GVQW3: variants seen among roughly 807,000 people sequenced by gnomAD.
GVQW3 encodes the protein GVQW motif containing 3.
Under a neutral mutation model 12.5 loss-of-function variants are expected in GVQW3, and 7 were observed. That is an observed-to-expected ratio of 0.56 (90% CI 0.32 to 1.05). GVQW3 has a LOEUF of 1.05. GVQW3 is among the 50% of genes least tolerant of loss of function. The pLI is 0.04. For synonymous variants in GVQW3, 71 were observed against 67.2 expected (o/e 1.06, Z -0.28); for missense variants, 188 against 190.8 (o/e 0.99, Z 0.09).
At chr11:76,383,780 A>ACC (rs1946803826) in intron 1 of GVQW3, 116 of 107,834 alleles carry the variant, frequency 1.1e-3, no homozygotes, top group South Asian at 1.2e-3. Context: ...TCTGTCCCAA[A>ACC]AAAAAAAAAA....
chr11:76,395,438 T>C (rs1270166897), intron 1 of GVQW3, among the ~76,000 whole-genome samples: 3 of 152,230 alleles, frequency 2.0e-5, no homozygotes, highest in South Asian at 2.1e-4. Context: ...TTGTTCCAGC[T>C]TTGGCCATTG....
chr11:76,408,974 TC>T (rs1258474128), downstream of GVQW3, among the ~76,000 whole-genome samples: 1 of 152,196 alleles, frequency 6.6e-6, no homozygotes, highest in Non-Finnish European at 1.5e-5. Context: ...ACATTGTCAT[TC>T]TTCCCGGGTG....
intron 1 of GVQW3, among the ~76,000 whole-genome samples, chr11:76,387,922 C>A (rs747690974): frequency 7.9e-5 from 12 of 151,830 alleles, no homozygotes; most frequent in Admixed American, 6.5e-4. Flanking sequence ...GACCCTGTCT[C>A]AAACAAAAAA....
At chr11:76,397,863 A>C (rs188242207) in intron 1 of GVQW3, among the ~76,000 whole-genome samples, 1 of 152,180 alleles carries the variant, frequency 6.6e-6, no homozygotes, top group African/African-American at 2.4e-5. Context: ...GGCCGGTTGC[A>C]GTGGCTTATG....
In GVQW3 at chr11:76,407,841, G is replaced by T. The variant is rs1249224436; in HGVS notation, c.*4083G>T. 6.6e-6 allele frequency: 1 copy of T among 151,998 alleles called. No homozygotes were observed. The highest frequency in any genetic ancestry group is 1.5e-5 in the Non-Finnish European group (1 of 67,978). The allele number at this position is 151,998 out of a possible 1,614,324, so 9.4% of individuals were successfully genotyped here. A position where few individuals can be genotyped will look rare whatever the true frequency, so the allele number is the denominator to read the frequency against. On this transcript the variant is annotated 3_prime_UTR_variant, in exon 2 of 2. Transcript: ENST00000529331. Reference sequence around the variant, plus strand: ...AGCTATTTAAGATGATGTTTTTAAAGAACTGTCAATGATGTTTGAAGATGT... The same window carrying T: ...AGCTATTTAAGATGATGTTTTTAAATAACTGTCAATGATGTTTGAAGATGT...
rs1486614874 is a variant in GVQW3 at position 76,404,249 on chromosome 11, A to G, written c.*491A>G. 2.8e-6 allele frequency: 1 copy of G among 361,078 alleles called. No homozygotes were observed. The highest frequency in any genetic ancestry group is 2.1e-5 in the African/African-American group (1 of 47,946). The allele number at this position is 361,078 out of a possible 1,614,324, so 22.4% of individuals were successfully genotyped here. ...TGAGATAACTCACTACCTTTGGACCAGCCATCTCCATTTTATAAATAAGAA... is the reference window on the plus strand; with the variant it reads ...TGAGATAACTCACTACCTTTGGACCGGCCATCTCCATTTTATAAATAAGAA... On this transcript the variant is annotated 3_prime_UTR_variant, in exon 2 of 2. Transcript: ENST00000529331.
chr11:76,407,311 G>C lies in GVQW3; in HGVS notation c.*3553G>C, dbSNP rs1222344107. On this transcript the variant is annotated 3_prime_UTR_variant, in exon 2 of 2. Transcript: ENST00000529331. ...GAGTTTAAACCACACCGGTCACAGT[G>C]GTTCACGCCTGTAATCCCAATACTT... 3 of 152,076 alleles carry C rather than the reference G, an allele frequency of 2.0e-5. No individual in the cohort carries two copies. The highest frequency in any genetic ancestry group is 4.4e-5 in the Non-Finnish European group (3 of 68,006). 9.4% of individuals were successfully genotyped at this position (152,076 alleles called of 1,614,324 possible).
At chr11:76,409,047 C>T (rs192398354), downstream of GVQW3, among the ~76,000 whole-genome samples, 4 of 152,332 alleles carry the variant, frequency 2.6e-5, no homozygotes, top group East Asian at 7.7e-4. Context: ...ATGCTTCAGG[C>T]ATTTCCCATT....
rs191012577 is a variant in GVQW3 at position 76,407,110 on chromosome 11, G to A, written c.*3352G>A. The A allele has an allele frequency of 2.0e-4, 30 of 152,272 alleles. No homozygotes were observed. Among genetic ancestry groups the A allele is most frequent in the Admixed American group, 3.3e-4 (5 of 15,294 alleles). 9.4% of individuals were successfully genotyped at this position (152,272 alleles called of 1,614,324 possible). A position where few individuals can be genotyped will look rare whatever the true frequency, so the allele number is the denominator to read the frequency against. On this transcript the variant is annotated 3_prime_UTR_variant, in exon 2 of 2. Coordinates refer to ENST00000529331, the MANE Select transcript of GVQW3 (RefSeq NM_001347885.2). ...CTCTAAGTTTGGTTGTATAATTTCT[G>A]CTGTGTTTAAGAAAAATTACTTAAC...
Position 76,381,860 on chromosome 11 carries a change from G to A in GVQW3, c.32G>A (p.Ser11Asn), listed in dbSNP as rs2134527097. The A allele has an allele frequency of 6.5e-7, 1 of 1,535,870 alleles. No homozygotes were observed. The highest frequency in any genetic ancestry group is 2.0e-5 in the Admixed American group (1 of 50,836). The change falls in exon 1 of 2, where the codon AGT becomes AAT. Residue 11 changes from serine (S) to asparagine (N), a missense_variant. Coordinates refer to ENST00000529331, the MANE Select transcript of GVQW3 (RefSeq NM_001347885.2). MSDRYLEQRI[S>N]IKFCVKLNKS... ...GACCGCTATTTAGAACAAAGGATTA[G>A]TATCAAATTTTGCGTGAAATTGAAC...
Position 76,406,917 on chromosome 11 carries a change from A to G in GVQW3, c.*3159A>G, listed in dbSNP as rs1947045227. On this transcript the variant is annotated 3_prime_UTR_variant, in exon 2 of 2. Transcript: ENST00000529331. Reference sequence around the variant, plus strand: ...CAGCTATTTGGGAGGCTGAGGCAGGAGAATGGCAAGAACCTGGGAGGCGGA... The same window carrying G: ...CAGCTATTTGGGAGGCTGAGGCAGGGGAATGGCAAGAACCTGGGAGGCGGA... 1 of 152,224 alleles carries G rather than the reference A, an allele frequency of 6.6e-6. No homozygotes were observed. The highest frequency in any genetic ancestry group is 1.5e-5 in the Non-Finnish European group (1 of 68,082). The allele number at this position is 152,224 out of a possible 1,614,324, so 9.4% of individuals were successfully genotyped here.
chr11:76,384,924 G>T (rs2134535240), intron 1 of GVQW3, among the ~76,000 whole-genome samples: 1 of 152,300 alleles, frequency 6.6e-6, no homozygotes, highest in Non-Finnish European at 1.5e-5. Context: ...GGTAATTGTT[G>T]CAGATTTATA....
At position 76,404,364 on chromosome 11, in the gene GVQW3, A is replaced by C. The variant is rs1255491243; in HGVS notation, c.*606A>C. On this transcript the variant is annotated 3_prime_UTR_variant, in exon 2 of 2. Coordinates refer to ENST00000529331, the MANE Select transcript of GVQW3 (RefSeq NM_001347885.2). ...TTTGTGTTCAATCTGCTTCTCTATA[A>C]AATCCCATACAGGACATCCAGGCAT... 5.5e-6 allele frequency: 1 copy of C among 182,818 alleles called. No homozygotes were observed. Among genetic ancestry groups the C allele is most frequent in the East Asian group, 1.3e-4 (1 of 7,572 alleles). 11.3% of individuals were successfully genotyped at this position (182,818 alleles called of 1,614,324 possible). A position where few individuals can be genotyped will look rare whatever the true frequency, so the allele number is the denominator to read the frequency against.
At chr11:76,396,451 A>G (rs1383872689) in intron 1 of GVQW3, among the ~76,000 whole-genome samples, 1 of 152,062 alleles carries the variant, frequency 6.6e-6, no homozygotes, top group Non-Finnish European at 1.5e-5. Flanking sequence ...AGTAGCTGGG[A>G]CTGCAGGTGC....
chr11:76,384,385 C>T (rs1946810466), intron 1 of GVQW3, among the ~76,000 whole-genome samples: 2 of 152,186 alleles, frequency 1.3e-5, no homozygotes, highest in South Asian at 2.1e-4. Flanking sequence ...TGCAGTGGCA[C>T]GATCTCAGCT....
At chr11:76,392,148 A>C (rs527803552) in intron 1 of GVQW3, 1 of 152,386 alleles carries the variant, frequency 6.6e-6, no homozygotes, top group Admixed American at 6.5e-5. Flanking sequence ...TTCCCAGAGG[A>C]CAGAGCTAAG....
exon 2 of GVQW3, chr11:76,414,550 T>G (rs1233091854): frequency 6.7e-6 from 1 of 148,284 alleles, no homozygotes; most frequent in Non-Finnish European, 1.5e-5. Context: ...TATTCTTAGA[T>G]CCACTTATCT....
In GVQW3 at chr11:76,404,887, A is replaced by T. The variant is rs1461318041; in HGVS notation, c.*1129A>T. On this transcript the variant is annotated 3_prime_UTR_variant, in exon 2 of 2. Coordinates refer to ENST00000529331, the MANE Select transcript of GVQW3 (RefSeq NM_001347885.2). ...TGGGGGTGACTGAGTCTAACTGAAGAAAAAGAAGGCATTTCAAGTCTCTAT... is the reference window on the plus strand; with the variant it reads ...TGGGGGTGACTGAGTCTAACTGAAGTAAAAGAAGGCATTTCAAGTCTCTAT... 6.6e-6 allele frequency: 1 copy of T among 152,312 alleles called. No homozygotes were observed. The highest frequency in any genetic ancestry group is 1.5e-5 in the Non-Finnish European group (1 of 68,102). 9.4% of individuals were successfully genotyped at this position (152,312 alleles called of 1,614,324 possible). A position where few individuals can be genotyped will look rare whatever the true frequency, so the allele number is the denominator to read the frequency against.
chr11:76,398,824 G>T (rs1946962445), intron 1 of GVQW3, among the ~76,000 whole-genome samples: 2 of 152,188 alleles, frequency 1.3e-5, no homozygotes, highest in Non-Finnish European at 2.9e-5. Context: ...GCAGGTTTCT[G>T]TGAGGTAAAC....
Sources: gnomAD v4.1 joint callset for allele counts (sites outside exome capture counted in the v4.1 genomes callset) on GRCh38, gnomAD v4.1.1 for gene constraint, MANE v1.5 for transcripts, NCBI Gene and HGNC (gene_info 2026-07-23, HGNC 2026-07-21) for gene names.